The following KIF13A variants were observed in gnomAD, a reference collection of about 807,000 sequenced individuals.
KIF13A encodes kinesin-like protein KIF13A.
A neutral mutation model predicts 212.2 loss-of-function variants in KIF13A; 79 were observed. The observed-to-expected ratio is 0.37, with a 90% CI of 0.31 to 0.45. The LOEUF (loss-of-function observed/expected upper bound fraction) is 0.45. Ranked by LOEUF, KIF13A falls within the 20% of genes least tolerant of loss-of-function variation. The probability of loss-of-function intolerance (pLI) is 1.00; values close to 1 mark genes in which losing one functional copy is unlikely to be tolerated. For missense variants in KIF13A, 1,901 were observed against 2,209.0 expected, an observed-to-expected ratio of 0.86 and a Z score of 2.79; for synonymous variants, 789 against 808.6, an observed-to-expected ratio of 0.98 and a Z score of 0.41.
Position 17,987,194 on chromosome 6 carries a change from A to T in KIF13A, c.56-50T>A. The T allele has an allele frequency of 7.0e-7, 1 of 1,430,526 alleles. No homozygotes were observed. The highest frequency in any genetic ancestry group is 9.6e-7 in the Non-Finnish European group (1 of 1,044,474). The allele number at this position is 1,430,526 out of a possible 1,614,324, so 88.6% of individuals were successfully genotyped here. On this transcript the variant is annotated intron_variant, in intron 1 of 38. Transcript: ENST00000259711. This position sits in a 1 kb window ranked among gnomAD's most constrained non-coding sequence, Gnocchi z 7.7. ...TGCAAAGTCCAGCATCCGCGCCTCC[A>T]GCCCGCCCGCCCGCCAGCCGCGCCG... is the stretch of plus-strand genomic sequence containing the variant.
intron 2 of KIF13A, among the ~76,000 whole-genome samples, chr6:17,975,880 G>C (rs938237802): frequency 1.3e-5 from 2 of 151,946 alleles, no homozygotes; most frequent in Admixed American, 6.6e-5. Flanking sequence ...CCTTGGGCTA[G>C]ATACAGAGTG....
downstream of KIF13A, chr6:17,763,621 A>T: frequency 5.8e-6 from 1 of 171,532 alleles, no homozygotes; most frequent in Non-Finnish European, 1.2e-5. Context: ...ACGACTGTCT[A>T]TTTCCAATTC....
At position 17,828,138 on chromosome 6, in the gene KIF13A, T is replaced by G. The variant is rs2150368281; in HGVS notation, c.1532+102A>C. 1 of 1,202,606 alleles carries G rather than the reference T, an allele frequency of 8.3e-7. No homozygotes were observed. Among genetic ancestry groups the G allele is most frequent in the South Asian group, 1.6e-5 (1 of 62,190 alleles). The allele number at this position is 1,202,606 out of a possible 1,614,324, so 74.5% of individuals were successfully genotyped here. A position where few individuals can be genotyped will look rare whatever the true frequency, so the allele number is the denominator to read the frequency against. ...AGGGCCCCCTGAGGACCCCCATGTA[T>G]CCTTAACTTTAATATAGCTGAAAGC... On this transcript the variant is annotated intron_variant, in intron 14 of 38. Transcript: ENST00000259711. The surrounding 1 kb of genome is among the most constrained non-coding windows in gnomAD (Gnocchi z 4.3).
chr6:17,982,467 T>A lies in KIF13A; in HGVS notation c.146+4587A>T. ...TACCGCTGGTGAATAAACTAAAAAA[T>A]ACATACAAAGTTTAGTAAGAGGAAG... On this transcript the variant is annotated intron_variant, in intron 2 of 38. Coordinates refer to ENST00000259711, the MANE Select transcript of KIF13A (RefSeq NM_022113.6). The surrounding 1 kb of genome is among the most constrained non-coding windows in gnomAD (Gnocchi z 5.1). The A allele has an allele frequency of 1.0e-6, 1 of 980,656 alleles. No homozygotes were observed. The highest frequency in any genetic ancestry group is 1.2e-6 in the Non-Finnish European group (1 of 825,614). The allele number at this position is 980,656 out of a possible 1,614,324, so 60.7% of individuals were successfully genotyped here.
At chr6:17,841,402 T>C (rs1766495839) in intron 9 of KIF13A, among the ~76,000 whole-genome samples, 1 of 152,204 alleles carries the variant, frequency 6.6e-6, no homozygotes, top group African/African-American at 2.4e-5. Flanking sequence ...GGGTTATTAA[T>C]CTCTGGGTGC....
Position 17,967,922 on chromosome 6 carries a change from A to C in KIF13A, c.146+19132T>G, listed in dbSNP as rs1779471406. Among the ~76,000 whole-genome samples the C allele has an allele frequency of 6.6e-6, 1 of 152,212 alleles. No homozygotes were observed. The highest frequency in any genetic ancestry group is 2.1e-4 in the South Asian group (1 of 4,826). ...TAATAAATGCTTAATAAAGCCTGCA[A>C]ATGGCTTATTTAAAAATATAAATAA... On this transcript the variant is annotated intron_variant, in intron 2 of 38. Transcript: ENST00000259711. The surrounding 1 kb of genome is among the most constrained non-coding windows in gnomAD (Gnocchi z 4.1).
intron 3 of KIF13A, among the ~76,000 whole-genome samples, chr6:17,882,955 A>G (rs1382649456): frequency 6.6e-6 from 1 of 152,212 alleles, no homozygotes; most frequent in Non-Finnish European, 1.5e-5. Context: ...ATATGTATAC[A>G]TCTATTTATA....
intron 2 of KIF13A, among the ~76,000 whole-genome samples, chr6:17,931,717 T>C (rs532607552): frequency 9.9e-5 from 15 of 152,174 alleles, no homozygotes; most frequent in Admixed American, 2.6e-4. Context: ...AATGACAACA[T>C]TGTAAGACTG....
chr6:17,898,544 A>T lies in KIF13A; in HGVS notation c.147-364T>A, dbSNP rs1039960201. On this transcript the variant is annotated intron_variant, in intron 2 of 38. Transcript: ENST00000259711. This position sits in a 1 kb window ranked among gnomAD's most constrained non-coding sequence, Gnocchi z 5.2. ...TTACTGCATGTGATTAAATATTTTT[A>T]AATCAATTTTTATATTTAAATTTTT... is the stretch of plus-strand genomic sequence containing the variant. Among the ~76,000 whole-genome samples the T allele has an allele frequency of 6.6e-6, 1 of 152,338 alleles. No homozygotes were observed. Among genetic ancestry groups the T allele is most frequent in the East Asian group, 1.9e-4 (1 of 5,186 alleles).
At chr6:17,869,310 C>T (rs748108271) in intron 4 of KIF13A, among the ~76,000 whole-genome samples, 5 of 152,148 alleles carry the variant, frequency 3.3e-5, no homozygotes, top group Admixed American at 3.3e-4. Context: ...ATTGCATTTT[C>T]TTTCCAAAGT....
chr6:17,774,211 C>CT (rs1402091651), intron 35 of KIF13A, among the ~76,000 whole-genome samples: 1 of 152,074 alleles, frequency 6.6e-6, no homozygotes, highest in Admixed American at 6.6e-5. Flanking sequence ...GTGCTTATAC[C>CT]TTTTGGATCA....
Position 17,868,600 on chromosome 6 carries a change from T to C in KIF13A, c.220+4777A>G, listed in dbSNP as rs559567267. ...CACAGGGTTTTTGCTTCAAAATTCTTTTTGAAGCAAAAAAAAAATTTTTGC... is the reference window on the plus strand; with the variant it reads ...CACAGGGTTTTTGCTTCAAAATTCTCTTTGAAGCAAAAAAAAAATTTTTGC... On this transcript the variant is annotated intron_variant, in intron 4 of 38. Coordinates refer to ENST00000259711, the MANE Select transcript of KIF13A (RefSeq NM_022113.6). Among the ~76,000 whole-genome samples, 29 of 152,008 alleles carry C rather than the reference T, an allele frequency of 1.9e-4. No individual in the cohort carries two copies. The East Asian group carries it at 5.6e-3, about 29-fold the overall frequency.
rs1332818199 is a variant in KIF13A at position 17,805,492 on chromosome 6, T to C, written c.2287A>G (p.Lys763Glu). The change falls in exon 19 of 39, where the codon AAG (lysine) becomes GAG (glutamate). Residue 763 changes from lysine (K) to glutamate (E), a missense_variant. Coordinates refer to ENST00000259711, the MANE Select transcript of KIF13A (RefSeq NM_022113.6). ...IDMRDLYQEWKEKVPEAKRLY... is the reference protein window; with the variant it reads ...IDMRDLYQEWEEKVPEAKRLY... ...TCTTTTACCTCAGGAACTTTTTCCTTCCATTCTTGGTAAAGGTCTCTCATG... is the reference window on the plus strand; with the variant it reads ...TCTTTTACCTCAGGAACTTTTTCCTCCCATTCTTGGTAAAGGTCTCTCATG... 3.7e-6 allele frequency: 6 copies of C among 1,613,554 alleles called. No individual in the cohort carries two copies. The Admixed American group carries it at 8.3e-5, about 22-fold the overall frequency.
chr6:17,781,436 T>C lies in KIF13A; in HGVS notation c.3545-135A>G, dbSNP rs1760568277. ...TTTTCTTTTTTCTTTCATTCCTTAT[T>C]CTGCAGTTGAAATAGAGACTCCAAG... On this transcript the variant is annotated intron_variant, in intron 29 of 38. Coordinates refer to ENST00000259711, the MANE Select transcript of KIF13A (RefSeq NM_022113.6). 4.5e-6 allele frequency: 4 copies of C among 891,288 alleles called. No individual in the cohort carries two copies. In the African/African-American group the frequency reaches 5.1e-5, roughly 11 times the overall value. The allele number at this position is 891,288 out of a possible 1,614,324, so 55.2% of individuals were successfully genotyped here.
chr6:17,925,274 AG>A (rs1775404834), intron 2 of KIF13A, among the ~76,000 whole-genome samples: 1 of 152,238 alleles, frequency 6.6e-6, no homozygotes, highest in African/African-American at 2.4e-5. Flanking sequence ...TGAGGTGTGC[AG>A]GTGAGAGAGG....
At chr6:17,974,519 A>C (rs1240796627) in intron 2 of KIF13A, among the ~76,000 whole-genome samples, 1 of 152,184 alleles carries the variant, frequency 6.6e-6, no homozygotes, top group African/African-American at 2.4e-5. Flanking sequence ...CTGTGGAGCA[A>C]AGACACGTCA....
chr6:17,946,332 A>T (rs1253645446), intron 2 of KIF13A, among the ~76,000 whole-genome samples: 2 of 152,198 alleles, frequency 1.3e-5, no homozygotes, highest in Non-Finnish European at 2.9e-5. Flanking sequence ...ATCAGAAAAT[A>T]AATAAAACCA....
intron 11 of KIF13A, among the ~76,000 whole-genome samples, chr6:17,836,076 T>G (rs1335623540): frequency 6.6e-6 from 1 of 152,082 alleles, no homozygotes; most frequent in African/African-American, 2.4e-5. Flanking sequence ...ACCCAATAAT[T>G]TGCAAAAAGC....
intron 4 of KIF13A, among the ~76,000 whole-genome samples, chr6:17,869,019 A>AAAC (rs1554187445): frequency 5.5e-5 from 7 of 126,594 alleles, no homozygotes; most frequent in East Asian, 4.7e-4. Flanking sequence ...AAAAAAAAAA[A>AAAC]ACACAAATAA....
Sources: gnomAD v4.1 joint callset for allele counts (sites outside exome capture counted in the v4.1 genomes callset) on GRCh38, gnomAD v4.1.1 for gene constraint, Gnocchi (gnomAD v3.1) non-coding constraint, MANE v1.5 for transcripts, NCBI Gene and HGNC (gene_info 2026-07-23, HGNC 2026-07-21) for gene names.